CSGALNACT1: variants seen among roughly 807,000 people sequenced by gnomAD.
The protein encoded by CSGALNACT1 is chondroitin sulfate N-acetylgalactosaminyltransferase 1.
In CSGALNACT1, 52 loss-of-function variants were observed where a neutral mutation model predicts 51.0. That is an observed-to-expected ratio of 1.02 (90% confidence interval 0.82 to 1.29). CSGALNACT1 has a LOEUF of 1.29. Among genes scored for constraint, CSGALNACT1 ranks in the 50% most tolerant of loss-of-function variants. CSGALNACT1 has a pLI of 0.00. For synonymous variants in CSGALNACT1, 341 were observed against 254.4 expected, an observed-to-expected ratio of 1.34 and a Z score of -3.24; for missense variants, 935 against 679.2, an observed-to-expected ratio of 1.38 and a Z score of -4.19.
At chr8:19,522,647 C>A (rs2080954719) in intron 3 of CSGALNACT1, among the ~76,000 whole-genome samples, 1 of 152,152 alleles carries the variant, frequency 6.6e-6, no homozygotes, top group African/African-American at 2.4e-5. Flanking sequence ...CAGCAACTTA[C>A]CAGAAGGACT....
chr8:19,610,910 A>G (rs1404241141), intron 1 of CSGALNACT1, among the ~76,000 whole-genome samples: 7 of 152,234 alleles, frequency 4.6e-5, no homozygotes, highest in Non-Finnish European at 8.8e-5. Flanking sequence ...ATGGTAGCAC[A>G]TGCCCACTGC....
chr8:19,594,593 G>A (rs906721723), intron 2 of CSGALNACT1, among the ~76,000 whole-genome samples: 3 of 152,166 alleles, frequency 2.0e-5, no homozygotes, highest in Non-Finnish European at 4.4e-5. Flanking sequence ...TAGTCACAAG[G>A]AGTGCAATGG....
intron 1 of CSGALNACT1, among the ~76,000 whole-genome samples, chr8:19,613,442 C>G (rs978976745): frequency 1.3e-5 from 2 of 152,180 alleles, no homozygotes; most frequent in Non-Finnish European, 2.9e-5. Flanking sequence ...GTTCACCATG[C>G]GCACACTATT....
intron 1 of CSGALNACT1, among the ~76,000 whole-genome samples, chr8:19,687,930 A>G (rs759372306): frequency 3.3e-4 from 50 of 152,222 alleles, no homozygotes; most frequent in Non-Finnish European, 5.9e-5. Flanking sequence ...CTGAGAACAC[A>G]TAAACAGCCA....
intron 3 of CSGALNACT1, among the ~76,000 whole-genome samples, chr8:19,545,300 G>T (rs914519350): frequency 7.9e-5 from 12 of 151,968 alleles, no homozygotes; most frequent in African/African-American, 2.9e-4. Flanking sequence ...TGAAATCCCA[G>T]AAAAATCATT....
At chr8:19,622,858 T>G (rs1392221451) in intron 1 of CSGALNACT1, among the ~76,000 whole-genome samples, 3 of 152,182 alleles carry the variant, frequency 2.0e-5, no homozygotes, top group Non-Finnish European at 4.4e-5. Flanking sequence ...AGTAAGATGG[T>G]AGATTGAAAG....
At chr8:19,524,103 G>A (rs1465865963) in intron 3 of CSGALNACT1, among the ~76,000 whole-genome samples, 1 of 152,132 alleles carries the variant, frequency 6.6e-6, no homozygotes, top group African/African-American at 2.4e-5. Flanking sequence ...AGACAAGCCT[G>A]GGCAACACAG....
rs1462657686 is a variant in CSGALNACT1, at chr8:19,757,238, T to TGAGA, written c.-297+611_-297+612insTCTC. On this transcript the variant is annotated intron_variant, in intron 1 of 1. Coordinates refer to the CSGALNACT1 transcript ENST00000517494. The surrounding 1 kb of genome is among the most constrained non-coding windows in gnomAD (Gnocchi z 4.0). Reference sequence around the variant, plus strand: ...CGGCTCCGGCCGCTGCCGCCGTCGCTGAACTTTCCCTCCTGCGCGGCCGCC... The same window carrying TGAGA: ...CGGCTCCGGCCGCTGCCGCCGTCGCTGAGAGAACTTTCCCTCCTGCGCGGCCGCC... The TGAGA allele has an allele frequency of 2.0e-5, 3 of 149,732 alleles. No homozygotes were observed. Among genetic ancestry groups the TGAGA allele is most frequent in the Non-Finnish European group, 4.5e-5 (3 of 67,112 alleles). The allele number at this position is 149,732 out of a possible 1,614,324, so 9.3% of individuals were successfully genotyped here.
chr8:19,575,367 A>C (rs556714839), intron 3 of CSGALNACT1, among the ~76,000 whole-genome samples: 1 of 152,230 alleles, frequency 6.6e-6, no homozygotes, highest in South Asian at 2.1e-4. Context: ...TATATACAGC[A>C]CCACCTATTA....
At chr8:19,473,604 G>C (rs1245868043) in intron 4 of CSGALNACT1, among the ~76,000 whole-genome samples, 1 of 152,092 alleles carries the variant, frequency 6.6e-6, no homozygotes, top group Non-Finnish European at 1.5e-5. Context: ...CCACTTCCTA[G>C]TCTTAAAAAT....
chr8:19,540,445 A>C (rs2154069268), intron 3 of CSGALNACT1, among the ~76,000 whole-genome samples: 1 of 152,300 alleles, frequency 6.6e-6, no homozygotes, highest in African/African-American at 2.4e-5. Context: ...AGTGACTAAA[A>C]TTTGAGTTCA....
At chr8:19,539,256 A>G (rs1449047412) in intron 3 of CSGALNACT1, among the ~76,000 whole-genome samples, 1 of 152,194 alleles carries the variant, frequency 6.6e-6, no homozygotes, top group African/African-American at 2.4e-5. Flanking sequence ...CATCAACTGT[A>G]GTCCTCATAT....
intron 3 of CSGALNACT1, among the ~76,000 whole-genome samples, chr8:19,575,957 A>G (rs1172164239): frequency 2.0e-5 from 3 of 152,062 alleles, no homozygotes; most frequent in Admixed American, 6.6e-5. Context: ...ACACATTTCA[A>G]TCTTATGCCC....
chr8:19,716,874 A>G (rs967520435), intron 1 of CSGALNACT1, among the ~76,000 whole-genome samples: 3 of 152,140 alleles, frequency 2.0e-5, no homozygotes, highest in Non-Finnish European at 4.4e-5. Context: ...TAGAGAATTA[A>G]AGTTGACCTC....
At chr8:19,685,407 G>A (rs2060915670), upstream of CSGALNACT1, among the ~76,000 whole-genome samples, 1 of 152,126 alleles carries the variant, frequency 6.6e-6, no homozygotes, top group South Asian at 2.1e-4. Context: ...GGCTGAGATG[G>A]GAGGATTGCC....
At chr8:19,447,307 T>C (rs535804197) in intron 5 of CSGALNACT1, among the ~76,000 whole-genome samples, 233 of 152,164 alleles carry the variant, frequency 1.5e-3, no homozygotes, top group Non-Finnish European at 2.6e-3. Context: ...GGGGGACTGG[T>C]ATGGCCAGGT....
chr8:19,681,343 T>A (rs970824149), intron 1 of CSGALNACT1, among the ~76,000 whole-genome samples: 8 of 151,948 alleles, frequency 5.3e-5, no homozygotes, highest in Non-Finnish European at 7.4e-5. Context: ...GACCAGCAGA[T>A]CCATAAATGC....
At chr8:19,565,029 G>A (rs917013639) in intron 3 of CSGALNACT1, among the ~76,000 whole-genome samples, 7 of 152,180 alleles carry the variant, frequency 4.6e-5, no homozygotes, top group Admixed American at 3.3e-4. Context: ...TGAATCCACT[G>A]CATTTCAGGG....
At chr8:19,641,136 T>A (rs2056694526) in intron 1 of CSGALNACT1, among the ~76,000 whole-genome samples, 1 of 79,720 alleles carries the variant, frequency 1.3e-5, no homozygotes, top group African/African-American at 5.6e-5. Flanking sequence ...GTCTTTTTTT[T>A]TTTTTTTTTT....
Sources: allele counts gnomAD v4.1 joint callset (sites outside exome capture counted in the v4.1 genomes callset), GRCh38; gene constraint gnomAD v4.1.1; non-coding constraint Gnocchi (gnomAD v3.1); transcripts MANE v1.5; gene names NCBI Gene and HGNC (gene_info 2026-07-23, HGNC 2026-07-21).